The following MMP15 variants were observed in gnomAD, a reference collection of about 807,000 sequenced individuals.
MMP15 encodes the protein matrix metalloproteinase-15.
MMP15 carries 36 observed loss-of-function variants against 65.0 expected under a neutral mutation model. The ratio of observed to expected loss-of-function variants is 0.55; its 90% CI spans 0.42 to 0.73. The LOEUF (loss-of-function observed/expected upper bound fraction) is 0.73. Ranked by LOEUF, MMP15 falls within the 30% of genes least tolerant of loss-of-function variation. MMP15 has a pLI of 0.00. For missense variants in MMP15, 870 were observed against 987.8 expected, an observed-to-expected ratio of 0.88 and a Z score of 1.60; for synonymous variants, 428 against 410.2, an observed-to-expected ratio of 1.04 and a Z score of -0.52.
chr16:58,043,014 C>T (rs1959485253), intron 7 of MMP15, among the ~76,000 whole-genome samples, 196 bp from the exon 8 acceptor site: 1 of 152,146 alleles, frequency 6.6e-6, no homozygotes, highest in Non-Finnish European at 1.5e-5. Context: ...GAGCGGGTGA[C>T]TCTTGCTCAC....
At chr16:58,035,447 G>A (rs1449723178) in intron 1 of MMP15, among the ~76,000 whole-genome samples, 1 of 152,224 alleles carries the variant, frequency 6.6e-6, no homozygotes, top group Admixed American at 6.5e-5. Flanking sequence ...ATGGGTCAAG[G>A]AGGCCGAAGG....
rs534994342 is a variant in MMP15, at chr16:58,045,721, C to T, written c.*275C>T. On this transcript the variant is annotated 3_prime_UTR_variant, in exon 10 of 10. Coordinates refer to ENST00000219271, the MANE Select transcript of MMP15 (RefSeq NM_002428.4). ...GAATTAGGCCCCCATCATCCTCTGG[C>T]TTGGCCACAGCCAGGGGAGCAGAGG... 41 of 455,158 alleles carry T rather than the reference C, an allele frequency of 9.0e-5. No homozygotes were observed. Among genetic ancestry groups the T allele is most frequent in the Middle Eastern group, 1.2e-3 (2 of 1,712 alleles). 28.2% of individuals were successfully genotyped at this position (455,158 alleles called of 1,614,324 possible). A position where few individuals can be genotyped will look rare whatever the true frequency, so the allele number is the denominator to read the frequency against.
intron 1 of MMP15, among the ~76,000 whole-genome samples, chr16:58,033,951 C>G (rs1959283061): frequency 6.6e-6 from 1 of 152,234 alleles, no homozygotes. Flanking sequence ...AGGTGCCCCC[C>G]ACAGCAGCCC....
In MMP15 at chr16:58,040,102, A is replaced by G. The variant is rs1959420139; in HGVS notation, c.668A>G (p.Tyr223Cys). 1 of 1,613,950 alleles carries G rather than the reference A, an allele frequency of 6.2e-7. No homozygotes were observed. The stretch of plus-strand genomic sequence containing the variant: ...ACCGGTGGCTTTCTGGCCCACGCCT[A>G]TTTCCCTGGCCCCGGCCTAGGCGGG... ...DGTGGFLAHA[Y>C]FPGPGLGGDT... The change falls in exon 4 of 10, where the codon TAT (tyrosine) becomes TGT (cysteine). Residue 223 changes from tyrosine to cysteine, a missense_variant. Tyr to Cys is a radical substitution (Grantham distance 194, BLOSUM62 -2). Coordinates refer to ENST00000219271, the MANE Select transcript of MMP15 (RefSeq NM_002428.4).
Position 58,026,322 on chromosome 16 carries a change from T to C in MMP15, c.-29T>C, listed in dbSNP as rs1963813388. 10 of 1,296,794 alleles carry C rather than the reference T, an allele frequency of 7.7e-6. No individual in the cohort carries two copies. In the South Asian group the frequency reaches 2.3e-4, roughly 29 times the overall value. 80.3% of individuals were successfully genotyped at this position (1,296,794 alleles called of 1,614,324 possible). ...GCGCGTGCGAGGATCCGGCGTGCAG[T>C]GTTCCGAGCTGGGCTGGGCGCCGAG... On this transcript the variant is annotated 5_prime_UTR_variant, in exon 1 of 10. Transcript: ENST00000219271.
intron 1 of MMP15, among the ~76,000 whole-genome samples, chr16:58,035,487 C>T (rs961350058): frequency 6.6e-6 from 1 of 152,236 alleles, no homozygotes; most frequent in African/African-American, 2.4e-5. Flanking sequence ...CCACACAGGC[C>T]TCTGGTCTCT....
At chr16:58,036,726 A>G (rs1959337219) in intron 1 of MMP15, among the ~76,000 whole-genome samples, 1 of 152,010 alleles carries the variant, frequency 6.6e-6, no homozygotes, top group Non-Finnish European at 1.5e-5. Context: ...GCATCTGTCT[A>G]CTCCTTCCAG....
In MMP15 at chr16:58,046,043, A is replaced by G. The variant is rs1959557881; in HGVS notation, c.*597A>G. 6.5e-6 allele frequency: 1 copy of G among 152,962 alleles called. No homozygotes were observed. Among genetic ancestry groups the G allele is most frequent in the African/African-American group, 2.4e-5 (1 of 41,426 alleles). The allele number at this position is 152,962 out of a possible 1,614,324, so 9.5% of individuals were successfully genotyped here. A position where few individuals can be genotyped will look rare whatever the true frequency, so the allele number is the denominator to read the frequency against. ...CTCAGTGACCCTGGCTCCTTGTGCC[A>G]GAGAACCCAGCCCACCCCCGGCAGC... On this transcript the variant is annotated 3_prime_UTR_variant, in exon 10 of 10. Coordinates refer to ENST00000219271, the MANE Select transcript of MMP15 (RefSeq NM_002428.4).
At chr16:58,031,101 C>T (rs1963885122) in intron 1 of MMP15, among the ~76,000 whole-genome samples, 1 of 151,740 alleles carries the variant, frequency 6.6e-6, no homozygotes, top group African/African-American at 2.4e-5. Context: ...TAGATGCTGT[C>T]ATTACTCAAT....
Position 58,041,753 on chromosome 16 carries a change from G to T in MMP15, c.1047G>T (p.Lys349Asn), listed in dbSNP as rs1173455485. The T allele has an allele frequency of 6.2e-7, 1 of 1,602,086 alleles. No homozygotes were observed. Among genetic ancestry groups the T allele is most frequent in the Non-Finnish European group, 8.5e-7 (1 of 1,174,266 alleles). The change falls in exon 6 of 10, where the codon AAG becomes AAT. Residue 349 changes from lysine (K) to asparagine (N), a missense_variant. Physicochemically the swap from Lys to Asn is moderately conservative, Grantham distance 94. Coordinates refer to ENST00000219271, the MANE Select transcript of MMP15 (RefSeq NM_002428.4). ...GTGGGAAGCCAGAGCGGCCCCCAAA[G>T]CCGGGCCCCCCAGTCCAGCCCCGAG... ...PPGGKPERPP[K>N]PGPPVQPRAT...
rs141624298 is a variant in MMP15 at position 58,038,325 on chromosome 16, A to G, written c.371A>G (p.Asn124Ser). ...CAGTTCGGGGTACGAGTGAAAGCCA[A>G]CCTGCGGCGGCGTCGGAAGCGCTAC... is the stretch of plus-strand genomic sequence containing the variant. ...PDQFGVRVKANLRRRRKRYAL... is the reference protein window; with the variant it reads ...PDQFGVRVKASLRRRRKRYAL... Residue 124 changes from asparagine to serine, a missense_variant, in exon 3 of 10, where the codon AAC becomes AGC. Physicochemically the swap from Asn to Ser is conservative, Grantham distance 46. Coordinates refer to ENST00000219271, the MANE Select transcript of MMP15 (RefSeq NM_002428.4). The G allele has an allele frequency of 9.2e-5, 149 of 1,614,058 alleles. No homozygotes were observed. Among genetic ancestry groups the G allele is most frequent in the Non-Finnish European group, 1.2e-4 (144 of 1,180,016 alleles).
Position 58,043,527 on chromosome 16 carries a change from C to T in MMP15, c.1470C>T (p.Asn490=), listed in dbSNP as rs377727772. Residue 490 remains asparagine (N), a synonymous_variant, in exon 9 of 10, where the codon AAC becomes AAT. Transcript: ENST00000219271. ...FFQEDRYWRF[N]EETQRGDPGY... is the part of the protein sequence containing the mutation. Reference sequence around the variant, plus strand: ...TTGTTCACAGGTACTGGCGCTTCAACGAGGAGACACAGCGTGGAGACCCTG... The same window carrying T: ...TTGTTCACAGGTACTGGCGCTTCAATGAGGAGACACAGCGTGGAGACCCTG... 2.5e-5 allele frequency: 40 copies of T among 1,613,874 alleles called. No individual in the cohort carries two copies. The highest frequency in any genetic ancestry group is 1.2e-4 in the South Asian group (11 of 91,070).
At chr16:58,043,853 A>C (rs893195655) in intron 9 of MMP15, among the ~76,000 whole-genome samples, 2 of 152,202 alleles carry the variant, frequency 1.3e-5, no homozygotes, top group Non-Finnish European at 2.9e-5. Flanking sequence ...AGAGAGCTTG[A>C]GCAGAGTGCC....
intron 7 of MMP15, 109 bp downstream of exon 7, chr16:58,042,478 G>C: frequency 6.9e-7 from 1 of 1,445,772 alleles, no homozygotes; most frequent in Non-Finnish European, 9.4e-7. Context: ...GTCTGGTCCT[G>C]TGCCCCCACT....
intron 5 of MMP15, 108 bp downstream of exon 5, chr16:58,040,806 C>T (rs1002239114): frequency 2.0e-6 from 3 of 1,487,250 alleles, no homozygotes; most frequent in Non-Finnish European, 1.9e-6. Flanking sequence ...ACCCAAGGCT[C>T]AGTGAGGATT....
At chr16:58,037,752 ATG>A (rs1959365212) in intron 2 of MMP15, 132 bp downstream of exon 2, 10 of 1,321,550 alleles carry the variant, frequency 7.6e-6, no homozygotes, top group Non-Finnish European at 8.3e-6. Flanking sequence ...TTGGTCCTCC[ATG>A]TCACTTCTGA....
At chr16:58,042,690 C>T (rs41399546) in intron 7 of MMP15, among the ~76,000 whole-genome samples, 47 of 152,356 alleles carry the variant, frequency 3.1e-4, no homozygotes, top group African/African-American at 7.0e-4. Context: ...CAGCCCACTC[C>T]GGGGCCAGAT....
At chr16:58,033,717 C>T (rs532709689) in intron 1 of MMP15, among the ~76,000 whole-genome samples, 16 of 152,314 alleles carry the variant, frequency 1.1e-4, no homozygotes, top group Non-Finnish European at 1.8e-4. Context: ...AGCCTGGCCA[C>T]CATAGTGAAA....
intron 1 of MMP15, among the ~76,000 whole-genome samples, chr16:58,031,252 C>T (rs979031165): frequency 2.0e-5 from 3 of 152,204 alleles, no homozygotes; most frequent in African/African-American, 7.2e-5. Flanking sequence ...GGGTTGAAGG[C>T]TACAGGTCAG....
Sources: gnomAD v4.1 joint callset for allele counts (sites outside exome capture counted in the v4.1 genomes callset) on GRCh38, gnomAD v4.1.1 for gene constraint, MANE v1.5 for transcripts, NCBI Gene and HGNC (gene_info 2026-07-23, HGNC 2026-07-21) for gene names.